TOGARAM1: variants seen among roughly 807,000 people sequenced by gnomAD.
TOGARAM1 encodes the protein TOG array regulator of axonemal microtubules 1, also known as TOG array regulator of axonemal microtubules protein 1.
In TOGARAM1, 100 loss-of-function variants were observed where a neutral mutation model predicts 166.6. That is an observed-to-expected ratio of 0.60 (90% confidence interval 0.51 to 0.71). The LOEUF (loss-of-function observed/expected upper bound fraction) is 0.71. TOGARAM1 is among the 30% of genes least tolerant of loss of function. The probability of loss-of-function intolerance (pLI) is 0.00; values close to 1 mark genes in which losing one functional copy is unlikely to be tolerated. For synonymous variants in TOGARAM1, 758 were observed against 763.8 expected (o/e 0.99, Z 0.13); for missense variants, 2,029 against 2,102.7 (o/e 0.96, Z 0.69).
chr14:44,964,246 G>T lies in TOGARAM1; in HGVS notation c.1825G>T (p.Asp609Tyr). 1.2e-6 allele frequency: 2 copies of T among 1,614,202 alleles called. No individual in the cohort carries two copies. Among genetic ancestry groups the T allele is most frequent in the African/African-American group, 2.7e-5 (2 of 75,050 alleles). ...GTCAAACCATTTGGCACATGGAGCA[G>T]ATACGGACTGGCTTTTGGCTGGTAA... ...GRSNHLAHGA[D>Y]TDWLLAGNRT... The change falls in exon 1 of 20, where the codon GAT becomes TAT. Residue 609 changes from aspartate (D) to tyrosine (Y), a missense_variant. Physicochemically the swap from Asp to Tyr is radical, Grantham distance 160 (BLOSUM62 -3). This residue lies in a region of TOGARAM1 where 1,453 missense variants were observed against 1,432.2 expected (regional missense o/e 1.01). Transcript: ENST00000361462.
intron 16 of TOGARAM1, among the ~76,000 whole-genome samples, chr14:45,059,211 A>T (rs1170530316): frequency 6.6e-6 from 1 of 152,056 alleles, no homozygotes; most frequent in East Asian, 1.9e-4. Flanking sequence ...AGTACCTGGG[A>T]CTACAGGTGC....
rs77944803 is a variant in TOGARAM1 at position 44,972,371 on chromosome 14, A to G, written c.2046+7904A>G. On this transcript the variant is annotated intron_variant, in intron 1 of 19. Coordinates refer to ENST00000361462, the MANE Select transcript of TOGARAM1 (RefSeq NM_001308120.2). ...TGTTGTTGGATAAAGTAATCTATAG[A>G]TGTCAATTACATCTAGTTGATTATG... 3.3e-3 allele frequency among the ~76,000 whole-genome samples: 496 copies of G among 152,158 alleles called. 5 individuals are homozygous for G. Among genetic ancestry groups the G allele is most frequent in the African/African-American group, 0.011 (471 of 41,496 alleles).
intron 1 of TOGARAM1, among the ~76,000 whole-genome samples, chr14:44,982,195 C>G (rs1317443481): frequency 6.6e-6 from 1 of 152,058 alleles, no homozygotes; most frequent in Non-Finnish European, 1.5e-5. Flanking sequence ...TTTTTGATAG[C>G]TATTTAATAT....
At chr14:45,007,184 A>G (rs1879499537) in intron 5 of TOGARAM1, 1 of 152,126 alleles carries the variant, frequency 6.6e-6, no homozygotes. Flanking sequence ...TTGCTCAATA[A>G]AATAGAGTTA....
At chr14:45,065,900 G>A (rs903696402) in intron 16 of TOGARAM1, among the ~76,000 whole-genome samples, 6 of 152,172 alleles carry the variant, frequency 3.9e-5, no homozygotes, top group African/African-American at 1.4e-4. Flanking sequence ...TAACATTGCA[G>A]TCCTGAGACT....
chr14:45,039,980 A>G (rs1881643070), intron 11 of TOGARAM1, among the ~76,000 whole-genome samples: 1 of 152,180 alleles, frequency 6.6e-6, no homozygotes, highest in Non-Finnish European at 1.5e-5. Context: ...TGACCCAATT[A>G]ACATTTATAA....
At chr14:45,045,545 A>ATG (rs1566660089) in intron 13 of TOGARAM1, among the ~76,000 whole-genome samples, 4 of 26,826 alleles carry the variant, frequency 1.5e-4, no homozygotes, top group African/African-American at 3.0e-4. Context: ...CTGTGTGTGT[A>ATG]TATATATATA....
intron 1 of TOGARAM1, among the ~76,000 whole-genome samples, chr14:44,983,505 G>A (rs913635193): frequency 2.0e-5 from 3 of 152,124 alleles, no homozygotes; most frequent in African/African-American, 7.2e-5. Flanking sequence ...TGTCAAATAA[G>A]CTCCTAGGTA....
At chr14:44,977,132 A>G (rs1260626816) in intron 1 of TOGARAM1, among the ~76,000 whole-genome samples, 1 of 152,020 alleles carries the variant, frequency 6.6e-6, no homozygotes, top group Non-Finnish European at 1.5e-5. Flanking sequence ...AATGCATCTA[A>G]CTCTTCATAT....
chr14:44,998,163 T>A (rs914697315), intron 2 of TOGARAM1, among the ~76,000 whole-genome samples: 2 of 152,232 alleles, frequency 1.3e-5, no homozygotes, highest in Non-Finnish European at 2.9e-5. Flanking sequence ...TATTTTATTG[T>A]TTAATAGAGA....
At chr14:44,966,815 C>T (rs1162911480) in intron 1 of TOGARAM1, among the ~76,000 whole-genome samples, 6 of 152,188 alleles carry the variant, frequency 3.9e-5, no homozygotes, top group African/African-American at 1.4e-4. Flanking sequence ...CTTAGCCAGG[C>T]ATGGTGGTGC....
At chr14:45,006,960 ATAAT>A (rs1305328481) in intron 5 of TOGARAM1, 4 of 152,130 alleles carry the variant, frequency 2.6e-5, no homozygotes, top group Non-Finnish European at 5.9e-5. Flanking sequence ...ATAACTGTAC[ATAAT>A]TATTATATCA....
chr14:45,062,376 C>T (rs752882634), intron 16 of TOGARAM1, among the ~76,000 whole-genome samples: 10 of 152,030 alleles, frequency 6.6e-5, no homozygotes, highest in Non-Finnish European at 1.5e-4. Context: ...GTACCTTTAT[C>T]GCTGGTAATA....
intron 7 of TOGARAM1, among the ~76,000 whole-genome samples, chr14:45,019,428 A>G (rs1010555344): frequency 6.6e-6 from 1 of 151,924 alleles, no homozygotes; most frequent in Non-Finnish European, 1.5e-5. Flanking sequence ...GACACATAAA[A>G]CTAACACCTG....
At chr14:45,011,548 C>T (rs1028410471) in intron 6 of TOGARAM1, among the ~76,000 whole-genome samples, 17 of 151,978 alleles carry the variant, frequency 1.1e-4, no homozygotes, top group Admixed American at 3.9e-4. Flanking sequence ...TTCCTGGGCT[C>T]AAGTGATCCT....
chr14:45,011,926 A>G, intron 6 of TOGARAM1, 49 bp from the exon 7 acceptor site: 2 of 1,312,810 alleles, frequency 1.5e-6, no homozygotes, highest in Non-Finnish European at 2.2e-6. Flanking sequence ...GTGAGTATTG[A>G]ACAGCACTAA....
chr14:44,962,573 G>T lies in TOGARAM1; in HGVS notation c.152G>T (p.Arg51Leu), dbSNP rs753510546. 3 of 1,613,948 alleles carry T rather than the reference G, an allele frequency of 1.9e-6. No homozygotes were observed. The highest frequency in any genetic ancestry group is 8.5e-7 in the Non-Finnish European group (1 of 1,179,888). Residue 51 changes from arginine to leucine, a missense_variant, in exon 1 of 20, where the codon CGT becomes CTT. Physicochemically the swap from Arg to Leu is moderately radical, Grantham distance 102. This residue lies in a region of TOGARAM1 where 1,453 missense variants were observed against 1,432.2 expected (regional missense o/e 1.01). Transcript: ENST00000361462. ...IMRGEKNYYF[R>L]GAAGDHGSCP... ...AGAGGAGAGAAAAACTACTACTTCCGTGGAGCTGCGGGGGACCACGGTTCC... is the reference window on the plus strand; with the variant it reads ...AGAGGAGAGAAAAACTACTACTTCCTTGGAGCTGCGGGGGACCACGGTTCC...
chr14:45,001,069 A>G (rs978611929), intron 3 of TOGARAM1, among the ~76,000 whole-genome samples: 14 of 152,146 alleles, frequency 9.2e-5, no homozygotes, highest in African/African-American at 3.4e-4. Flanking sequence ...GCTGTTTTCT[A>G]TAGTGGCTGT....
intron 7 of TOGARAM1, among the ~76,000 whole-genome samples, chr14:45,017,556 T>C (rs1038127511): frequency 6.6e-6 from 1 of 152,230 alleles, no homozygotes; most frequent in Non-Finnish European, 1.5e-5. Context: ...ATAATTTTCC[T>C]GTGGTAGAAC....
Sources: gnomAD v4.1 joint callset for allele counts (sites outside exome capture counted in the v4.1 genomes callset) on GRCh38, gnomAD v4.1.1 for gene constraint, gnomAD v4.1.1 regional missense constraint, MANE v1.5 for transcripts, NCBI Gene and HGNC (gene_info 2026-07-23, HGNC 2026-07-21) for gene names.